OPCML: variants seen among roughly 807,000 people sequenced by gnomAD.
OPCML encodes the protein opioid binding protein/cell adhesion molecule like.
A neutral mutation model predicts 37.8 loss-of-function variants in OPCML; 13 were observed. The observed-to-expected ratio is 0.34, with a 90% confidence interval of 0.22 to 0.55. The LOEUF is 0.55. Ranked by LOEUF, OPCML falls within the 20% of genes least tolerant of loss-of-function variation. The pLI, the probability that OPCML is intolerant of heterozygous loss-of-function variation, is 0.91. For missense variants in OPCML, 341 were observed against 435.6 expected, an observed-to-expected ratio of 0.78 and a Z score of 1.93; for synonymous variants, 176 against 168.8, an observed-to-expected ratio of 1.04 and a Z score of -0.33.
rs150271454 is a variant in OPCML, at chr11:132,667,813, T to A, written c.147-10494A>T. Among the ~76,000 whole-genome samples, 3 of 152,354 alleles carry A rather than the reference T, an allele frequency of 2.0e-5. No homozygotes were observed. In the East Asian group the frequency reaches 5.8e-4, roughly 29 times the overall value. On this transcript the variant is annotated intron_variant, in intron 2 of 7. Transcript: ENST00000524381. ...AATGACATCAAAACTACTAGGGAAC[T>A]ATAGTGGGACTTATAGGCTATGTTG...
chr11:132,420,118 T>G lies in OPCML; in HGVS notation c.*75A>C. ...AAAAACAAAAAGAAGCCCAAGCTGG[T>G]TTGCTCTCCGCAGTGTAGATTAAAG... On this transcript the variant is annotated 3_prime_UTR_variant, in exon 8 of 8. Coordinates refer to ENST00000524381, the MANE Select transcript of OPCML (RefSeq NM_001012393.5). 8.5e-7 allele frequency: 1 copy of G among 1,181,072 alleles called. No homozygotes were observed. The highest frequency in any genetic ancestry group is 1.2e-6 in the Non-Finnish European group (1 of 839,146). 73.2% of individuals were successfully genotyped at this position (1,181,072 alleles called of 1,614,324 possible). A position where few individuals can be genotyped will look rare whatever the true frequency, so the allele number is the denominator to read the frequency against.
At chr11:133,291,183 A>G (rs1942462628) in intron 1 of OPCML, among the ~76,000 whole-genome samples, 1 of 152,202 alleles carries the variant, frequency 6.6e-6, no homozygotes. Flanking sequence ...TACTAGCTCA[A>G]CCACCAAAAG....
At chr11:133,516,762 T>G (rs1261121504) in intron 1 of OPCML, among the ~76,000 whole-genome samples, 2 of 152,190 alleles carry the variant, frequency 1.3e-5, no homozygotes, top group Admixed American at 1.3e-4. Flanking sequence ...CGGGGATGGA[T>G]GGTCCCTGTC....
At chr11:132,897,873 T>C (rs929749225) in intron 2 of OPCML, among the ~76,000 whole-genome samples, 13 of 152,190 alleles carry the variant, frequency 8.5e-5, no homozygotes, top group Non-Finnish European at 1.9e-4. Context: ...TGGATAGATC[T>C]CTCTGAGTCG....
At chr11:133,159,744 C>A (rs1055726586) in intron 1 of OPCML, among the ~76,000 whole-genome samples, 6 of 152,358 alleles carry the variant, frequency 3.9e-5, no homozygotes, top group African/African-American at 1.4e-4. Flanking sequence ...TGTGGAATGT[C>A]TCCCTGTCTC....
intron 3 of OPCML, among the ~76,000 whole-genome samples, chr11:132,551,932 T>C (rs368842525): frequency 1.1e-4 from 17 of 152,196 alleles, no homozygotes; most frequent in African/African-American, 1.7e-4. Flanking sequence ...GGGGAACCCA[T>C]TGGGCAGTTA....
intron 1 of OPCML, among the ~76,000 whole-genome samples, chr11:132,974,610 T>C (rs1320631165): frequency 2.6e-5 from 4 of 152,184 alleles, no homozygotes; most frequent in African/African-American, 9.7e-5. Flanking sequence ...CTCAAGGATC[T>C]AGAACCAGAA....
At chr11:132,694,262 G>A (rs1056958850) in intron 2 of OPCML, among the ~76,000 whole-genome samples, 1 of 125,846 alleles carries the variant, frequency 7.9e-6, no homozygotes, top group Non-Finnish European at 1.6e-5. Context: ...GCAGTGGCGC[G>A]ATCTTGGCTC....
rs10466548 is a variant in OPCML, at chr11:132,988,981, A to G, written c.62-45971T>C. 4.8e-3 allele frequency among the ~76,000 whole-genome samples: 734 copies of G among 152,350 alleles called. 4 individuals are homozygous for G. Among genetic ancestry groups the G allele is most frequent in the Admixed American group, 0.011 (171 of 15,298 alleles). ...TATTCTGTGGATTTTAAAGACTACA[A>G]TAACGTTGCATTTTACCCAAACTCC... On this transcript the variant is annotated intron_variant, in intron 1 of 7. Coordinates refer to ENST00000524381, the MANE Select transcript of OPCML (RefSeq NM_001012393.5).
intron 1 of OPCML, among the ~76,000 whole-genome samples, chr11:133,315,678 G>A (rs1238089174): frequency 6.6e-6 from 1 of 152,056 alleles, no homozygotes; most frequent in African/African-American, 2.4e-5. Flanking sequence ...CGTGCTTGTA[G>A]TTCCAGCTAC....
chr11:133,385,413 T>C (rs1204660125), intron 1 of OPCML, among the ~76,000 whole-genome samples: 1 of 152,324 alleles, frequency 6.6e-6, no homozygotes, highest in Middle Eastern at 3.4e-3. Flanking sequence ...GAATAACTAA[T>C]GTATGTGGCT....
intron 1 of OPCML, among the ~76,000 whole-genome samples, chr11:133,524,811 C>T (rs1948458390): frequency 6.6e-6 from 1 of 152,224 alleles, no homozygotes; most frequent in Non-Finnish European, 1.5e-5. Flanking sequence ...AGGCACATCC[C>T]CAAGCTTCTT....
chr11:133,177,941 C>T lies in OPCML; in HGVS notation c.62-234931G>A, dbSNP rs1937634969. On this transcript the variant is annotated intron_variant, in intron 1 of 7. Transcript: ENST00000524381. This position sits in a 1 kb window ranked among gnomAD's most constrained non-coding sequence, Gnocchi z 5.0. ...GAGGCCTCTGTTCTTTTGAACCACACTGAATAAATGAGAGCTGGCAGGAGG... is the reference window on the plus strand; with the variant it reads ...GAGGCCTCTGTTCTTTTGAACCACATTGAATAAATGAGAGCTGGCAGGAGG... Among the ~76,000 whole-genome samples, 3 of 152,178 alleles carry T rather than the reference C, an allele frequency of 2.0e-5. No homozygotes were observed.
intron 1 of OPCML, among the ~76,000 whole-genome samples, chr11:133,288,117 C>T (rs1291919704): frequency 2.6e-5 from 4 of 152,192 alleles, no homozygotes; most frequent in Admixed American, 2.0e-4. Context: ...CAGCTTCCTG[C>T]GGTGAATGAA....
At chr11:132,435,110 G>T (rs1447802996) in intron 7 of OPCML, 5 of 1,081,952 alleles carry the variant, frequency 4.6e-6, no homozygotes, top group South Asian at 3.9e-5. Flanking sequence ...AAACTCAAAG[G>T]CATAGGCATT....
chr11:133,520,329 C>T lies in OPCML; in HGVS notation c.61+11935G>A, dbSNP rs1480909005. 2.0e-5 allele frequency among the ~76,000 whole-genome samples: 3 copies of T among 152,090 alleles called. No individual in the cohort carries two copies. The East Asian group carries it at 5.8e-4, about 29-fold the overall frequency. On this transcript the variant is annotated intron_variant, in intron 1 of 7. Coordinates refer to ENST00000524381, the MANE Select transcript of OPCML (RefSeq NM_001012393.5). ...AAGCTGGGTCTTTTTCTGAGGCTCC[C>T]AAGAAGCTGAGCCTGCTGGATTAGG... is the stretch of plus-strand genomic sequence containing the variant.
chr11:132,987,241 C>T (rs1209892976), intron 1 of OPCML, among the ~76,000 whole-genome samples: 1 of 152,040 alleles, frequency 6.6e-6, no homozygotes, highest in Non-Finnish European at 1.5e-5. Flanking sequence ...TCCTTGACAA[C>T]AGTTTTGTAA....
At chr11:132,635,389 A>T (rs1046991097) in intron 3 of OPCML, among the ~76,000 whole-genome samples, 17 of 152,146 alleles carry the variant, frequency 1.1e-4, no homozygotes, top group Non-Finnish European at 2.4e-4. Context: ...CTTTAGTCAA[A>T]TGTTGTTAAG....
chr11:132,422,784 T>C (rs922256911), intron 7 of OPCML, among the ~76,000 whole-genome samples: 1 of 152,212 alleles, frequency 6.6e-6, no homozygotes, highest in African/African-American at 2.4e-5. Context: ...TCAGAATCTA[T>C]GCCCTTAATT....
Sources: gnomAD v4.1 joint callset for allele counts (sites outside exome capture counted in the v4.1 genomes callset) on GRCh38, gnomAD v4.1.1 for gene constraint, Gnocchi (gnomAD v3.1) non-coding constraint, MANE v1.5 for transcripts, NCBI Gene and HGNC (gene_info 2026-07-23, HGNC 2026-07-21) for gene names.